PPP1R12A: variants seen among roughly 807,000 people sequenced by gnomAD.
PPP1R12A encodes protein phosphatase 1 regulatory subunit 12A, also known as myosin binding subunit.
PPP1R12A carries 19 observed loss-of-function variants against 139.6 expected under a neutral mutation model. That is an observed-to-expected ratio of 0.14 (90% confidence interval 0.09 to 0.20). PPP1R12A has a LOEUF of 0.20. Among genes scored for constraint, PPP1R12A ranks in the 10% least tolerant of loss-of-function variants. The probability of loss-of-function intolerance (pLI) is 1.00; values close to 1 mark genes in which losing one functional copy is unlikely to be tolerated. For missense variants in PPP1R12A, 925 were observed against 1,211.5 expected (o/e 0.76, Z 3.51); for synonymous variants, 427 against 420.6 (o/e 1.02, Z -0.19).
intron 3 of PPP1R12A, among the ~76,000 whole-genome samples, chr12:79,835,984 CAAT>C (rs1878028466): frequency 6.6e-6 from 1 of 152,056 alleles, no homozygotes; most frequent in African/African-American, 2.4e-5. Flanking sequence ...AAAAAGCAGA[CAAT>C]AATTCAGAAA....
intron 1 of PPP1R12A, among the ~76,000 whole-genome samples, chr12:79,906,414 A>C (rs1405602987): frequency 6.6e-6 from 1 of 152,094 alleles, no homozygotes; most frequent in Non-Finnish European, 1.5e-5. Context: ...CATAGAGTAA[A>C]GGGCTGACAG....
intron 18 of PPP1R12A, among the ~76,000 whole-genome samples, chr12:79,794,295 T>C (rs1305693294): frequency 1.3e-5 from 2 of 152,104 alleles, no homozygotes; most frequent in Non-Finnish European, 2.9e-5. Context: ...TTAAACTTTT[T>C]TAAATAGACA....
At chr12:79,784,465 G>A (rs1293881566) in intron 22 of PPP1R12A, among the ~76,000 whole-genome samples, 1 of 152,220 alleles carries the variant, frequency 6.6e-6, no homozygotes, top group South Asian at 2.1e-4. Context: ...GTAGTAACAG[G>A]CTAATTCTAT....
intron 2 of PPP1R12A, among the ~76,000 whole-genome samples, chr12:79,857,247 C>T (rs945846456): frequency 6.6e-6 from 1 of 152,046 alleles, no homozygotes; most frequent in Non-Finnish European, 1.5e-5. Context: ...GAATACTATG[C>T]AGCCATAAAA....
At chr12:79,906,662 T>TC (rs1322372642) in intron 1 of PPP1R12A, among the ~76,000 whole-genome samples, 5 of 152,012 alleles carry the variant, frequency 3.3e-5, no homozygotes, top group African/African-American at 9.7e-5. Flanking sequence ...TAAGACAGAG[T>TC]CCCACTCTGT....
At chr12:79,928,329 A>C (rs965955839) in intron 1 of PPP1R12A, among the ~76,000 whole-genome samples, 1 of 152,220 alleles carries the variant, frequency 6.6e-6, no homozygotes, top group Non-Finnish European at 1.5e-5. Flanking sequence ...CTACAGAAAA[A>C]GCATTAGAAC....
chr12:79,868,226 G>C (rs113971214), intron 2 of PPP1R12A, among the ~76,000 whole-genome samples: 3 of 152,166 alleles, frequency 2.0e-5, no homozygotes, highest in African/African-American at 7.2e-5. Flanking sequence ...GATGTATAAT[G>C]AATTGATAAT....
intron 1 of PPP1R12A, among the ~76,000 whole-genome samples, chr12:79,891,103 G>A (rs1409261087): frequency 6.6e-6 from 1 of 151,950 alleles, no homozygotes; most frequent in Non-Finnish European, 1.5e-5. Context: ...TTTTCAGAAA[G>A]AAAGAGCAAA....
At chr12:79,790,439 T>A (rs1871698174) in intron 20 of PPP1R12A, 28 bp downstream of exon 20, 1 of 1,265,484 alleles carries the variant, frequency 7.9e-7, no homozygotes, top group African/African-American at 1.5e-5. Flanking sequence ...AAGAAAAAAA[T>A]GTCAGTTAAA....
At position 79,871,639 on chromosome 12, in the gene PPP1R12A, A is replaced by G. The variant is rs1043288031; in HGVS notation, c.368+1169T>C. ...GAGGAGGCATTCATATTCCATATCAATTAACTCCAGAGCCTAATCATTAAG... is the reference window on the plus strand; with the variant it reads ...GAGGAGGCATTCATATTCCATATCAGTTAACTCCAGAGCCTAATCATTAAG... On this transcript the variant is annotated intron_variant, in intron 2 of 24. Transcript: ENST00000450142. Among the ~76,000 whole-genome samples the G allele has an allele frequency of 9.2e-5, 14 of 152,190 alleles. No individual in the cohort carries two copies. In the East Asian group the frequency reaches 2.5e-3, roughly 27 times the overall value.
Position 79,795,746 on chromosome 12 carries a change from T to G in PPP1R12A, c.2475A>C (p.Arg825Ser). The change falls in exon 18 of 25, where the codon AGA becomes AGC. Residue 825 changes from arginine (R) to serine (S), a missense_variant. By Grantham distance (110) the Arg-to-Ser change is moderately radical (BLOSUM62 -1). Around this residue, in one of 4 missense-constraint regions of PPP1R12A, gnomAD observed 315 missense variants for 363.4 expected, o/e 0.87. Transcript: ENST00000450142. ...TKENEREGEK[R>S]EEEKEGEDKS... ...TATCTTCTCCTTCTTTCTCCTCTTC[T>G]CTTTTTTCTCCCTCTGTTAAGGATT... 6.2e-7 allele frequency: 1 copy of G among 1,610,988 alleles called. No individual in the cohort carries two copies. The highest frequency in any genetic ancestry group is 8.5e-7 in the Non-Finnish European group (1 of 1,178,218).
Position 79,845,355 on chromosome 12 carries a change from A to G in PPP1R12A, c.434T>C (p.Ile145Thr), listed in dbSNP as rs1879253922. The G allele has an allele frequency of 1.9e-6, 3 of 1,613,586 alleles. No individual in the cohort carries two copies. The African/African-American group carries it at 4.0e-5, about 22-fold the overall frequency. Residue 145 changes from isoleucine to threonine, a missense_variant, in exon 3 of 25, where the codon ATT becomes ACT. Ile to Thr is a moderately conservative substitution (Grantham distance 89). Coordinates refer to ENST00000450142, the MANE Select transcript of PPP1R12A (RefSeq NM_002480.3). ...VNSEGDTPLD[I>T]AEEEAMEELL... is the part of the protein sequence containing the mutation. ...CTCTTCCATTGCCTCCTCCTCCGCA[A>G]TATCTAAAGGTGTATCTCCTTCACT...
intron 2 of PPP1R12A, among the ~76,000 whole-genome samples, chr12:79,862,035 G>A (rs541793156): frequency 6.6e-6 from 1 of 152,264 alleles, no homozygotes; most frequent in East Asian, 1.9e-4. Flanking sequence ...CCCCTGTGCA[G>A]CCTGGCTGGG....
Position 79,934,935 on chromosome 12 carries a change from C to T in PPP1R12A, c.-4G>A. On this transcript the variant is annotated 5_prime_UTR_variant, in exon 1 of 25. Transcript: ENST00000450142. ...GCTTCGCGTCCGCCATCTTCATCCC[C>T]TCTCCTGCCGCCGGGTCTTCTTATC... 2.5e-6 allele frequency: 4 copies of T among 1,584,208 alleles called. No homozygotes were observed. The highest frequency in any genetic ancestry group is 1.7e-6 in the Non-Finnish European group (2 of 1,163,838).
intron 9 of PPP1R12A, among the ~76,000 whole-genome samples, chr12:79,815,319 A>G (rs1002819717): frequency 6.6e-6 from 1 of 152,144 alleles, no homozygotes; most frequent in African/African-American, 2.4e-5. Flanking sequence ...TCACAAGGTC[A>G]GGAGTTCGAG....
intron 2 of PPP1R12A, among the ~76,000 whole-genome samples, chr12:79,859,330 C>CT (rs1881041572): frequency 7.6e-6 from 1 of 131,036 alleles, no homozygotes; most frequent in African/African-American, 2.9e-5. Context: ...GGGTGAGACT[C>CT]TGTCTTTAAA....
At chr12:79,933,947 A>C (rs948262926) in intron 1 of PPP1R12A, among the ~76,000 whole-genome samples, 1 of 152,120 alleles carries the variant, frequency 6.6e-6, no homozygotes, top group African/African-American at 2.4e-5. Context: ...ACACCCGAGG[A>C]CCTGGGGCTC....
intron 1 of PPP1R12A, among the ~76,000 whole-genome samples, chr12:79,906,414 A>G (rs1405602987): frequency 2.0e-5 from 3 of 152,094 alleles, no homozygotes; most frequent in Admixed American, 6.5e-5. Context: ...CATAGAGTAA[A>G]GGGCTGACAG....
At chr12:79,906,032 C>A (rs544347578) in intron 1 of PPP1R12A, among the ~76,000 whole-genome samples, 1 of 152,200 alleles carries the variant, frequency 6.6e-6, no homozygotes, top group African/African-American at 2.4e-5. Flanking sequence ...CTAAGGAAAT[C>A]ATCCTACTTT....
Sources: gnomAD v4.1 joint callset for allele counts (sites outside exome capture counted in the v4.1 genomes callset) on GRCh38, gnomAD v4.1.1 for gene constraint, gnomAD v4.1.1 regional missense constraint, MANE v1.5 for transcripts, NCBI Gene and HGNC (gene_info 2026-07-23, HGNC 2026-07-21) for gene names.